TRPV5: variants seen among roughly 807,000 people sequenced by gnomAD.
The protein encoded by TRPV5 is transient receptor potential cation channel subfamily V member 5.
A neutral mutation model predicts 74.1 loss-of-function variants in TRPV5; 66 were observed. That is an observed-to-expected ratio of 0.89 (90% CI 0.73 to 1.09). The LOEUF (loss-of-function observed/expected upper bound fraction) is 1.09, where lower values mean the gene tolerates loss of function less well. TRPV5 is among the 50% of genes least tolerant of loss of function. The pLI is 0.00. For synonymous variants in TRPV5, 399 were observed against 360.7 expected, an observed-to-expected ratio of 1.11 and a Z score of -1.20; for missense variants, 936 against 930.4, an observed-to-expected ratio of 1.01 and a Z score of -0.08.
At position 142,909,476 on chromosome 7, in the gene TRPV5, A is replaced by G; in HGVS notation, c.1895+14T>C. The G allele has an allele frequency of 2.5e-6, 4 of 1,613,492 alleles. No individual in the cohort carries two copies. The highest frequency in any genetic ancestry group is 2.7e-5 in the African/African-American group (2 of 75,024). On this transcript the variant is annotated intron_variant, in intron 14 of 14. Transcript: ENST00000265310. ...TACACATCTGCAGTTTTGCATGTGC[A>G]CACCATCACTCACCGCAGGAACCAG...
rs769744626 is a variant in TRPV5 at position 142,908,776 on chromosome 7, C to T, written c.1928G>A (p.Arg643Gln). 2.8e-5 allele frequency: 45 copies of T among 1,613,248 alleles called. No homozygotes were observed. The highest frequency in any genetic ancestry group is 1.5e-4 in the African/African-American group (11 of 74,892). The change falls in exon 15 of 15, where the codon CGA (arginine) becomes CAA (glutamine). Residue 643 changes from arginine to glutamine, a missense_variant. Transcript: ENST00000265310. ...GAACACTTCCACATAGCGAAGCACT[C>T]GCAGAGGATTCTGATCATTGTGGTT... The part of the protein sequence containing the change: ...VENHNDQNPL[R>Q]VLRYVEVFKN...
chr7:142,928,131 T>A lies in TRPV5; in HGVS notation c.866A>T (p.Glu289Val), dbSNP rs1378392448. The A allele has an allele frequency of 1.2e-6, 2 of 1,614,098 alleles. No individual in the cohort carries two copies. The highest frequency in any genetic ancestry group is 1.7e-6 in the Non-Finnish European group (2 of 1,180,018). ...GACCACAAGCTCCAGGAAGGACAGC[T>A]CCTCTCCCCAGGAGTCGATCTCCGT... ...DLTEIDSWGE[E>V]LSFLELVVSS... Residue 289 changes from glutamate to valine, a missense_variant, in exon 7 of 15, where the codon GAG becomes GTG. By Grantham distance (121) the Glu-to-Val change is moderately radical. Transcript: ENST00000265310.
intron 12 of TRPV5, among the ~76,000 whole-genome samples, chr7:142,914,118 T>C (rs1008472919): frequency 6.6e-6 from 1 of 152,248 alleles, no homozygotes; most frequent in Admixed American, 6.5e-5. Context: ...ATCTTCAAAC[T>C]GTCCAAGCTG....
At chr7:142,908,889 G>A in intron 14 of TRPV5, 81 bp from the exon 15 acceptor site, 2 of 1,415,974 alleles carry the variant, frequency 1.4e-6, no homozygotes, top group Non-Finnish European at 1.9e-6. Context: ...CATTTAGAAA[G>A]CAGGGTCAAG....
chr7:142,930,197 CA>C lies in TRPV5; in HGVS notation c.227-18del, dbSNP rs1212652562. On this transcript the variant is annotated intron_variant, in intron 2 of 14. Coordinates refer to ENST00000265310, the MANE Select transcript of TRPV5 (RefSeq NM_019841.7). Reference sequence around the variant, plus strand: ...CCAGGGCTCCTGGATTGGAGTAAGACAGAGATGTTAGACACTTTTCAGATTC... The same window carrying C: ...CCAGGGCTCCTGGATTGGAGTAAGACGAGATGTTAGACACTTTTCAGATTC... The C allele has an allele frequency of 6.2e-7, 1 of 1,610,838 alleles. No homozygotes were observed. The highest frequency in any genetic ancestry group is 8.5e-7 in the Non-Finnish European group (1 of 1,178,948).
intron 4 of TRPV5, 104 bp downstream of exon 4, chr7:142,929,324 C>A: frequency 6.4e-7 from 1 of 1,551,622 alleles, no homozygotes; most frequent in Non-Finnish European, 8.7e-7. Context: ...CCCCTCTCAA[C>A]TGCCCAACAG....
At chr7:142,933,246 G>T (rs1796125858) in intron 1 of TRPV5, 86 bp downstream of exon 1, 1 of 1,532,756 alleles carries the variant, frequency 6.5e-7, no homozygotes, top group Non-Finnish European at 8.9e-7. Flanking sequence ...CACTTCTAGG[G>T]TGCTGTATTC....
intron 8 of TRPV5, 126 bp downstream of exon 8, chr7:142,925,403 G>C: frequency 1.1e-6 from 1 of 884,650 alleles, no homozygotes; most frequent in Non-Finnish European, 1.8e-6. Flanking sequence ...ATTTCTACCT[G>C]GGTGTTTAGG....
At chr7:142,933,311 G>A (rs774619193) in intron 1 of TRPV5, 21 bp downstream of exon 1, 33 of 1,611,506 alleles carry the variant, frequency 2.0e-5, no homozygotes, top group Middle Eastern at 1.9e-4. Context: ...GTAGGGCCAC[G>A]GATCGTTCTA....
rs1795656902 is a variant in TRPV5, at chr7:142,908,768, G to A, written c.1936C>T (p.Arg646Cys). 4 of 1,613,598 alleles carry A rather than the reference G, an allele frequency of 2.5e-6. No individual in the cohort carries two copies. The highest frequency in any genetic ancestry group is 1.3e-5 in the African/African-American group (1 of 74,922). ...GAGTTCTTGAACACTTCCACATAGC[G>A]AAGCACTCGCAGAGGATTCTGATCA... ...HNDQNPLRVL[R>C]YVEVFKNSDK... The change falls in exon 15 of 15, where the codon CGC (arginine) becomes TGC (cysteine). Residue 646 changes from arginine (R) to cysteine (C), a missense_variant. Physicochemically the swap from Arg to Cys is radical, Grantham distance 180 (BLOSUM62 -3). Coordinates refer to ENST00000265310, the MANE Select transcript of TRPV5 (RefSeq NM_019841.7).
At position 142,909,557 on chromosome 7, in the gene TRPV5, G is replaced by T. The variant is rs747374052; in HGVS notation, c.1828C>A (p.Arg610Ser). 6.2e-7 allele frequency: 1 copy of T among 1,614,082 alleles called. No individual in the cohort carries two copies. The highest frequency in any genetic ancestry group is 8.5e-7 in the Non-Finnish European group (1 of 1,180,040). ...TTVMLERKLP[R>S]CLWPRSGICG... ...ATCCCGGAGCGAGGCCACAGGCAGC[G>T]AGGCAGCTTCCGCTCCAGCATCACT... The change falls in exon 14 of 15, where the codon CGC (arginine) becomes AGC (serine). Residue 610 changes from arginine (R) to serine (S), a missense_variant. By Grantham distance (110) the Arg-to-Ser change is moderately radical (BLOSUM62 -1). Coordinates refer to ENST00000265310, the MANE Select transcript of TRPV5 (RefSeq NM_019841.7).
At chr7:142,914,080 A>C (rs1199340750) in intron 12 of TRPV5, among the ~76,000 whole-genome samples, 1 of 151,816 alleles carries the variant, frequency 6.6e-6, no homozygotes, top group Non-Finnish European at 1.5e-5. Context: ...GTCTCTCTTC[A>C]CAACTCTTCT....
In TRPV5 at chr7:142,928,092, C is replaced by T. The variant is rs764622325; in HGVS notation, c.905G>A (p.Arg302Gln). The T allele has an allele frequency of 3.7e-6, 6 of 1,614,048 alleles. No individual in the cohort carries two copies. The Admixed American group carries it at 6.7e-5, about 18-fold the overall frequency. The change falls in exon 7 of 15, where the codon CGA (arginine) becomes CAA (glutamine). Residue 302 changes from arginine (R) to glutamine (Q), a missense_variant. Coordinates refer to ENST00000265310, the MANE Select transcript of TRPV5 (RefSeq NM_019841.7). Reference sequence around the variant, plus strand: ...GATCCTCCTTGGCATCCATACCTCTCGTTTATCAGAGGAGACCACAAGCTC... The same window carrying T: ...GATCCTCCTTGGCATCCATACCTCTTGTTTATCAGAGGAGACCACAAGCTC... Reference protein sequence around the residue: ...FLELVVSSDKREARQILEQTP... With the variant: ...FLELVVSSDKQEARQILEQTP...
In TRPV5 at chr7:142,912,753, G is replaced by C; in HGVS notation, c.1520-3C>G. The C allele has an allele frequency of 1.2e-6, 2 of 1,612,086 alleles. No homozygotes were observed. Among genetic ancestry groups the C allele is most frequent in the Non-Finnish European group, 1.7e-6 (2 of 1,178,258 alleles). ...TGTCTGGAAAATGATATAGAACGCT[G>C]CTCCGCCCAGGAAGAGGACATGGAG... is the stretch of plus-strand genomic sequence containing the variant. On this transcript the variant is annotated splice_polypyrimidine_tract_variant and splice_region_variant and intron_variant, in intron 12 of 14. Transcript: ENST00000265310.
chr7:142,929,255 C>T (rs1032043986), intron 4 of TRPV5, 135 bp from the exon 5 acceptor site: 2 of 1,473,634 alleles, frequency 1.4e-6, no homozygotes, highest in African/African-American at 1.4e-5. Flanking sequence ...CCAGCAGAAC[C>T]AGAGGAAGGA....
At chr7:142,909,782 C>T (rs932634790) in intron 13 of TRPV5, among the ~76,000 whole-genome samples, 186 bp from the exon 14 acceptor site, 10 of 152,206 alleles carry the variant, frequency 6.6e-5, no homozygotes, top group African/African-American at 2.4e-4. Context: ...CTTCACTCAT[C>T]AAGAAATGAG....
intron 1 of TRPV5, among the ~76,000 whole-genome samples, chr7:142,931,602 C>T (rs948134594): frequency 3.9e-5 from 6 of 152,218 alleles, no homozygotes; most frequent in African/African-American, 1.4e-4. Flanking sequence ...GGGGGAAGAA[C>T]AGAAAGGACA....
intron 1 of TRPV5, 119 bp from the exon 2 acceptor site, chr7:142,930,565 T>C (rs1716162557): frequency 2.5e-6 from 2 of 797,596 alleles, no homozygotes; most frequent in East Asian, 5.1e-5. Flanking sequence ...CAGTGACAAA[T>C]TGGAAAGAAG....
chr7:142,912,942 C>A (rs1328976296), intron 12 of TRPV5, among the ~76,000 whole-genome samples, 192 bp from the exon 13 acceptor site: 1 of 152,128 alleles, frequency 6.6e-6, no homozygotes, highest in East Asian at 1.9e-4. Context: ...TCCTGTGGAA[C>A]TGTCTAACCC....
Sources: gnomAD v4.1 joint callset for allele counts (sites outside exome capture counted in the v4.1 genomes callset) on GRCh38, gnomAD v4.1.1 for gene constraint, MANE v1.5 for transcripts, NCBI Gene and HGNC (gene_info 2026-07-23, HGNC 2026-07-21) for gene names.